Variants in TMEM218 observed in about 807,000 individuals in gnomAD.
The protein encoded by TMEM218 is transmembrane protein 218.
TMEM218 carries 8 observed loss-of-function variants against 10.0 expected under a neutral mutation model. The ratio of observed to expected loss-of-function variants is 0.80; its 90% CI spans 0.47 to 1.44. TMEM218 has a LOEUF of 1.44. TMEM218 is among the 40% of genes most tolerant of loss of function. The pLI is 0.00. For missense variants in TMEM218, 110 were observed against 140.1 expected, an observed-to-expected ratio of 0.79 and a Z score of 1.08; for synonymous variants, 66 against 63.5, an observed-to-expected ratio of 1.04 and a Z score of -0.18.
Position 125,106,060 on chromosome 11 carries a change from A to T in TMEM218, c.-152-3251T>A, listed in dbSNP as rs772637578. ...CAAAGCAAATATTAACAAGACAAAA[A>T]CCAGGGAAGGAGGGAATAGGGAGAT... On this transcript the variant is annotated intron_variant, in intron 1 of 4. Coordinates refer to ENST00000682305, the MANE Select transcript of TMEM218 (RefSeq NM_001258244.2). Among the ~76,000 whole-genome samples the T allele has an allele frequency of 5.9e-5, 9 of 152,222 alleles. No individual in the cohort carries two copies. In the South Asian group the frequency reaches 1.7e-3, roughly 28 times the overall value.
Position 125,101,636 on chromosome 11 carries a change from T to G in TMEM218, c.111-333A>C, listed in dbSNP as rs1422829812. The G allele has an allele frequency of 4.5e-6, 3 of 667,828 alleles. No individual in the cohort carries two copies. The African/African-American group carries it at 5.5e-5, about 12-fold the overall frequency. The allele number at this position is 667,828 out of a possible 1,614,324, so 41.4% of individuals were successfully genotyped here. A position where few individuals can be genotyped will look rare whatever the true frequency, so the allele number is the denominator to read the frequency against. On this transcript the variant is annotated intron_variant, in intron 3 of 4. Coordinates refer to ENST00000682305, the MANE Select transcript of TMEM218 (RefSeq NM_001258244.2). ...CTGTTGTTTTTAGAACAGAATACTT[T>G]AGAAAATTCTACAACTCTCTGCTTC...
rs144070642 is a variant in TMEM218 at position 125,102,441 on chromosome 11, A to G, written c.-76-124T>C. On this transcript the variant is annotated intron_variant, in intron 2 of 4. Transcript: ENST00000682305. ...TTAATTTTCAGAAATGTCCAGTCCC[A>G]GAGTCCCTTAATGGAAACTGGAAAT... is the stretch of plus-strand genomic sequence containing the variant. 1,196 of 1,492,178 alleles carry G rather than the reference A, an allele frequency of 8.0e-4. 4 individuals carry two copies. The highest frequency in any genetic ancestry group is 4.0e-3 in the Middle Eastern group (21 of 5,260). 92.4% of individuals were successfully genotyped at this position (1,492,178 alleles called of 1,614,324 possible).
At chr11:125,099,921 C>CAAAA (rs34211632) in intron 4 of TMEM218, among the ~76,000 whole-genome samples, 2 of 100,324 alleles carry the variant, frequency 2.0e-5, no homozygotes, top group Non-Finnish European at 1.9e-5. Flanking sequence ...GAGACTGTCT[C>CAAAA]AAAAAAAAAA....
intron 1 of TMEM218, chr11:125,110,859 G>GGT (rs1437794305): frequency 7.3e-6 from 1 of 136,164 alleles, no homozygotes; most frequent in Non-Finnish European, 1.6e-5. Context: ...ACGGGGGGGG[G>GGT]GGGTTACTTT....
intron 1 of TMEM218, among the ~76,000 whole-genome samples, chr11:125,106,641 A>T (rs111233523): frequency 1.4e-4 from 21 of 152,370 alleles, no homozygotes; most frequent in African/African-American, 4.8e-4. Context: ...CAGTGCCTTC[A>T]TATACCCACC....
rs1482537578 is a variant in TMEM218, at chr11:125,103,621, GCTTAA to G, written c.-152-817_-152-813del. On this transcript the variant is annotated intron_variant, in intron 1 of 4. Coordinates refer to ENST00000682305, the MANE Select transcript of TMEM218 (RefSeq NM_001258244.2). ...AAATAATCTAGTATTATCTTGAGATGCTTAACTTAATTAAATCTGCAAAGACCCTT... is the reference window on the plus strand; with the variant it reads ...AAATAATCTAGTATTATCTTGAGATGCTTAATTAAATCTGCAAAGACCCTT... 2.0e-5 allele frequency: 3 copies of G among 152,312 alleles called. No individual in the cohort carries two copies. The East Asian group carries it at 5.8e-4, about 29-fold the overall frequency. 9.4% of individuals were successfully genotyped at this position (152,312 alleles called of 1,614,324 possible).
intron 1 of TMEM218, among the ~76,000 whole-genome samples, chr11:125,106,047 T>C (rs1256138761): frequency 6.6e-6 from 1 of 151,912 alleles, no homozygotes; most frequent in Non-Finnish European, 1.5e-5. Context: ...AAGCAAATAT[T>C]AACAAGACAA....
rs1434118014 is a variant in TMEM218, at chr11:125,102,825, C to T, written c.-152-16G>A. 10 of 692,188 alleles carry T rather than the reference C, an allele frequency of 1.4e-5. No homozygotes were observed. Among genetic ancestry groups the T allele is most frequent in the Non-Finnish European group, 1.9e-5 (9 of 478,396 alleles). The allele number at this position is 692,188 out of a possible 1,614,324, so 42.9% of individuals were successfully genotyped here. On this transcript the variant is annotated splice_polypyrimidine_tract_variant and intron_variant, in intron 1 of 4. Transcript: ENST00000682305. The stretch of plus-strand genomic sequence containing the variant: ...ACTCCCAGTCCTTAAAGAAGAGGAA[C>T]AGCCATCACTATTTTTGAACATTCA...
rs1949547660 is a variant in TMEM218, at chr11:125,095,626, GGGTATTT to G, written c.*1973_*1979del. Among the ~76,000 whole-genome samples the G allele has an allele frequency of 6.6e-6, 1 of 150,548 alleles. No homozygotes were observed. Among genetic ancestry groups the G allele is most frequent in the Non-Finnish European group, 1.5e-5 (1 of 67,754 alleles). ...GTCAAGCTGAAATAAACTTTGCACA[GGGTATTT>G]TTTTTTTTTTCCTAAAGCCAATCTT... On this transcript the variant is annotated 3_prime_UTR_variant, in exon 5 of 5. Transcript: ENST00000682305.
At chr11:125,111,241 T>C (rs958164895) in intron 1 of TMEM218, among the ~76,000 whole-genome samples, 3 of 152,152 alleles carry the variant, frequency 2.0e-5, no homozygotes, top group African/African-American at 7.2e-5. Flanking sequence ...ATGCCCCCCA[T>C]GTCTCGTCTT....
At position 125,101,238 on chromosome 11, in the gene TMEM218, C is replaced by T. The variant is rs372444659; in HGVS notation, c.176G>A (p.Arg59Gln). Residue 59 changes from arginine (R) to glutamine (Q), a missense_variant, in exon 4 of 5, where the codon CGA becomes CAA. Transcript: ENST00000682305. ...IITSVLLLFP[R>Q]AGEFPAPEVE... is the part of the protein sequence containing the mutation. ...TTCTGGGGCTGGGAATTCACCAGCT[C>T]GCGGGAAAAGCAACAGAACTGATGT... 1.1e-5 allele frequency: 17 copies of T among 1,613,408 alleles called. No individual in the cohort carries two copies. The highest frequency in any genetic ancestry group is 5.0e-5 in the Admixed American group (3 of 59,996).
intron 4 of TMEM218, among the ~76,000 whole-genome samples, chr11:125,099,606 C>T (rs1036028306): frequency 1.6e-4 from 25 of 152,158 alleles, no homozygotes; most frequent in African/African-American, 5.6e-4. Context: ...AATGTGGCAG[C>T]CCACATCACT....
intron 3 of TMEM218, 183 bp from the exon 4 acceptor site, chr11:125,101,486 G>C: frequency 6.6e-7 from 1 of 1,526,682 alleles, no homozygotes; most frequent in East Asian, 2.5e-5. Flanking sequence ...GTACCAGCTG[G>C]GTGCATTCCC....
In TMEM218 at chr11:125,101,215, C is replaced by T. The variant is rs1430384328; in HGVS notation, c.199G>A (p.Glu67Lys). 1 of 1,613,536 alleles carries T rather than the reference C, an allele frequency of 6.2e-7. No individual in the cohort carries two copies. Among genetic ancestry groups the T allele is most frequent in the African/African-American group, 1.3e-5 (1 of 74,924 alleles). Residue 67 changes from glutamate to lysine, a missense_variant, in exon 4 of 5, where the codon GAA becomes AAA. By Grantham distance (56) the Glu-to-Lys change is moderately conservative. Transcript: ENST00000682305. ...FPRAGEFPAPEVEVKIVDDFF... is the reference protein window; with the variant it reads ...FPRAGEFPAPKVEVKIVDDFF... ...AACAGCTTTACCTTAACTTCCACTT[C>T]TGGGGCTGGGAATTCACCAGCTCGC...
chr11:125,101,976 C>T (rs1055791506), intron 3 of TMEM218, 156 bp downstream of exon 3: 3 of 858,848 alleles, frequency 3.5e-6, no homozygotes, highest in Non-Finnish European at 3.4e-6. Context: ...GCATAAATAA[C>T]ACAGTTAGTG....
rs1169915697 is a variant in TMEM218 at position 125,095,961 on chromosome 11, C to T, written c.*1645G>A. Among the ~76,000 whole-genome samples, 1 of 152,198 alleles carries T rather than the reference C, an allele frequency of 6.6e-6. No individual in the cohort carries two copies. The highest frequency in any genetic ancestry group is 1.5e-5 in the Non-Finnish European group (1 of 68,050). On this transcript the variant is annotated 3_prime_UTR_variant, in exon 5 of 5. Coordinates refer to ENST00000682305, the MANE Select transcript of TMEM218 (RefSeq NM_001258244.2). The stretch of plus-strand genomic sequence containing the variant: ...AGGAGCCAAGCTTCCACTTGGGCTG[C>T]AGGGAGACTCACAATAGCATGAGGC...
intron 1 of TMEM218, among the ~76,000 whole-genome samples, chr11:125,105,243 G>A (rs112694191): frequency 1.4e-4 from 21 of 152,244 alleles, no homozygotes; most frequent in African/African-American, 4.8e-4. Context: ...ATGTGATATG[G>A]GAATCCCAAA....
intron 1 of TMEM218, chr11:125,103,752 A>G (rs566780979): frequency 6.6e-6 from 1 of 152,314 alleles, no homozygotes; most frequent in East Asian, 1.9e-4. Context: ...AGCACACCAC[A>G]CTACCTCTCC....
intron 1 of TMEM218, chr11:125,103,141 G>C (rs7118772): frequency 6.5e-6 from 1 of 153,990 alleles, no homozygotes; most frequent in East Asian, 1.9e-4. Flanking sequence ...GAACTGGGCC[G>C]CACAGGAGGA....
Sources: allele counts gnomAD v4.1 joint callset (sites outside exome capture counted in the v4.1 genomes callset), GRCh38; gene constraint gnomAD v4.1.1; transcripts MANE v1.5; gene names NCBI Gene and HGNC (gene_info 2026-07-23, HGNC 2026-07-21).